Variants in MX1 observed in about 807,000 individuals in gnomAD.
MX1 encodes interferon-induced GTP-binding protein Mx1.
Under a neutral mutation model 66.4 loss-of-function variants are expected in MX1, and 66 were observed. That is an observed-to-expected ratio of 0.99 (90% confidence interval 0.82 to 1.22). MX1 has a LOEUF of 1.22. MX1 is among the 50% of genes most tolerant of loss of function. The probability of loss-of-function intolerance (pLI) is 0.00; values close to 1 mark genes in which losing one functional copy is unlikely to be tolerated. For synonymous variants in MX1, 311 were observed against 318.1 expected, an observed-to-expected ratio of 0.98 and a Z score of 0.24; for missense variants, 787 against 834.3, an observed-to-expected ratio of 0.94 and a Z score of 0.70.
rs2090633030 is a variant in MX1 at position 41,445,433 on chromosome 21, C to G, written c.1009-15C>G. The G allele has an allele frequency of 1.2e-6, 2 of 1,613,316 alleles. No individual in the cohort carries two copies. Among genetic ancestry groups the G allele is most frequent in the Non-Finnish European group, 1.7e-6 (2 of 1,179,660 alleles). Reference sequence around the variant, plus strand: ...TCTTTACACATTTCCATTATTTTCTCTCCATTTTCCTCAGAAATCTCTGCC... The same window carrying G: ...TCTTTACACATTTCCATTATTTTCTGTCCATTTTCCTCAGAAATCTCTGCC... On this transcript the variant is annotated splice_polypyrimidine_tract_variant and intron_variant, in intron 11 of 16. Coordinates refer to ENST00000398598, the MANE Select transcript of MX1 (RefSeq NM_002462.5).
chr21:41,440,793 C>T, intron 8 of MX1, 94 bp from the exon 9 acceptor site: 1 of 1,469,246 alleles, frequency 6.8e-7, no homozygotes, highest in Non-Finnish European at 9.5e-7. Context: ...CCCTGGGACT[C>T]TTAGGGCCTA....
intron 8 of MX1, 63 bp downstream of exon 8, chr21:41,439,911 G>A (rs2090461165): frequency 6.3e-6 from 7 of 1,113,076 alleles, no homozygotes; most frequent in Non-Finnish European, 7.9e-6. Context: ...GGAGGGGTGG[G>A]AGGAGAAAGA....
At position 41,440,989 on chromosome 21, in the gene MX1, G is replaced by C; in HGVS notation, c.694G>C (p.Ala232Pro). Residue 232 changes from alanine (A) to proline (P), a missense_variant, in exon 9 of 17, where the codon GCC (alanine) becomes CCC (proline). Physicochemically the swap from Ala to Pro is conservative, Grantham distance 27. Coordinates refer to ENST00000398598, the MANE Select transcript of MX1 (RefSeq NM_002462.5). ...DIATTEALSM[A>P]QEVDPEGDRT... ...CGCCACCACAGAGGCTCTCAGCATGGCCCAGGAGGTGGACCCCGAGGGAGA... is the reference window on the plus strand; with the variant it reads ...CGCCACCACAGAGGCTCTCAGCATGCCCCAGGAGGTGGACCCCGAGGGAGA... 6.2e-7 allele frequency: 1 copy of C among 1,614,204 alleles called. No homozygotes were observed.
At chr21:41,445,625 G>T in intron 12 of MX1, 55 bp downstream of exon 12, 1 of 1,610,036 alleles carries the variant, frequency 6.2e-7, no homozygotes, top group Non-Finnish European at 8.5e-7. Context: ...GTCAAAAAAG[G>T]GACCCTGGGC....
At chr21:41,434,756 AT>A (rs1175647917) in intron 5 of MX1, among the ~76,000 whole-genome samples, 1 of 152,230 alleles carries the variant, frequency 6.6e-6, no homozygotes, top group Non-Finnish European at 1.5e-5. Flanking sequence ...TTTTACATAC[AT>A]CATAAACCCC....
At chr21:41,446,757 C>T (rs2090674968) in intron 13 of MX1, among the ~76,000 whole-genome samples, 1 of 152,188 alleles carries the variant, frequency 6.6e-6, no homozygotes, top group Non-Finnish European at 1.5e-5. Context: ...ATAACCCAAT[C>T]CTTCCTAAAG....
At chr21:41,434,789 T>C (rs1389277439) in intron 5 of MX1, among the ~76,000 whole-genome samples, 1 of 152,246 alleles carries the variant, frequency 6.6e-6, no homozygotes, top group Non-Finnish European at 1.5e-5. Flanking sequence ...TTATTATTGA[T>C]GTTCAAACAT....
rs948075059 is a variant in MX1 at position 41,458,746 on chromosome 21, G to A, written c.1977G>A (p.Gln659=). Residue 659 remains glutamine (Q), a synonymous_variant, in exon 17 of 17, where the codon CAG becomes CAA. Transcript: ENST00000398598. The part of the protein sequence containing the change: ...RLTQARRRLA[Q]FPG ...CGCAGGCTCGGCGCCGGCTTGCCCA[G>A]TTCCCCGGTTAACCACACTCTGTCC... 6.2e-7 allele frequency: 1 copy of A among 1,612,066 alleles called. No individual in the cohort carries two copies. The highest frequency in any genetic ancestry group is 8.5e-7 in the Non-Finnish European group (1 of 1,179,894).
intron 4 of MX1, 47 bp downstream of exon 4, chr21:41,430,655 G>A (rs2090187130): frequency 1.3e-5 from 2 of 152,168 alleles, no homozygotes; most frequent in Admixed American, 6.5e-5. Flanking sequence ...TTGAGTCATA[G>A]GAGAAAGATT....
At chr21:41,436,912 T>C (rs2090378809) in intron 6 of MX1, 103 bp from the exon 7 acceptor site, 1 of 1,399,730 alleles carries the variant, frequency 7.1e-7, no homozygotes, top group Non-Finnish European at 9.7e-7. Context: ...GTTTTAAATG[T>C]CTCCCCATAT....
intron 12 of MX1, 162 bp downstream of exon 12, chr21:41,445,732 G>A (rs1568987437): frequency 9.6e-7 from 1 of 1,036,614 alleles, no homozygotes; most frequent in Non-Finnish European, 1.4e-6. Context: ...GCAGGGCAGG[G>A]AGTGCAGATG....
intron 6 of MX1, among the ~76,000 whole-genome samples, chr21:41,436,628 G>A (rs1293937651): frequency 2.0e-5 from 3 of 152,158 alleles, no homozygotes; most frequent in African/African-American, 7.2e-5. Context: ...AGGTGGCCTG[G>A]TAGCAGCAGG....
chr21:41,442,705 A>AT (rs1161424836), intron 10 of MX1: 1 of 152,250 alleles, frequency 6.6e-6, no homozygotes, highest in African/African-American at 2.4e-5. Context: ...AGATGAGATG[A>AT]TTCAGTGTCC....
chr21:41,442,332 G>C (rs1180843393), intron 10 of MX1, among the ~76,000 whole-genome samples: 2 of 152,156 alleles, frequency 1.3e-5, no homozygotes, highest in African/African-American at 4.8e-5. Context: ...ATATCAGCTT[G>C]AGTATCTATT....
At chr21:41,447,022 T>A (rs364043) in intron 13 of MX1, among the ~76,000 whole-genome samples, 2 of 152,018 alleles carry the variant, frequency 1.3e-5, no homozygotes, top group South Asian at 2.1e-4. Context: ...ACCAACTGGC[T>A]TGTGTCTGTG....
chr21:41,450,595 C>T (rs2090795642), intron 14 of MX1, among the ~76,000 whole-genome samples: 1 of 152,026 alleles, frequency 6.6e-6, no homozygotes, highest in Non-Finnish European at 1.5e-5. Context: ...ATACTTAGAG[C>T]CTTATAGTCA....
intron 14 of MX1, 50 bp from the exon 15 acceptor site, chr21:41,451,117 G>A (rs1262361814): frequency 1.6e-6 from 2 of 1,274,706 alleles, no homozygotes; most frequent in East Asian, 2.3e-5. Context: ...ATCTTAAGAA[G>A]AGAACAAATG....
At chr21:41,443,748 G>A in intron 10 of MX1, 40 bp from the exon 11 acceptor site, 1 of 1,598,308 alleles carries the variant, frequency 6.3e-7, no homozygotes, top group South Asian at 1.1e-5. Flanking sequence ...GCGTGTTCTG[G>A]CTACATCAAG....
chr21:41,458,042 C>A (rs755332855), intron 16 of MX1, among the ~76,000 whole-genome samples: 1 of 152,092 alleles, frequency 6.6e-6, no homozygotes, highest in Non-Finnish European at 1.5e-5. Context: ...CTTGCTCTGT[C>A]GCCCAGCCTG....
Sources: gnomAD v4.1 joint callset for allele counts (sites outside exome capture counted in the v4.1 genomes callset) on GRCh38, gnomAD v4.1.1 for gene constraint, MANE v1.5 for transcripts, NCBI Gene and HGNC (gene_info 2026-07-23, HGNC 2026-07-21) for gene names.